COL14A1: variants seen among roughly 807,000 people sequenced by gnomAD.
The protein encoded by COL14A1 is collagen alpha-1(XIV) chain.
COL14A1 carries 136 observed loss-of-function variants against 230.3 expected under a neutral mutation model. That is an observed-to-expected ratio of 0.59 (90% CI 0.51 to 0.68). The LOEUF is 0.68. COL14A1 is among the 30% of genes least tolerant of loss of function. The pLI is 0.00. For synonymous variants in COL14A1, 792 were observed against 784.1 expected (o/e 1.01, Z -0.17); for missense variants, 1,976 against 2,215.8 (o/e 0.89, Z 2.17).
chr8:120,342,473 G>A, intron 44 of COL14A1, 27 bp downstream of exon 44: 6 of 1,605,806 alleles, frequency 3.7e-6, no homozygotes, highest in Non-Finnish European at 5.1e-6. Flanking sequence ...TACGGAGGAT[G>A]TTCCCCATAA....
At chr8:120,175,660 T>C (rs2198755) in intron 5 of COL14A1, among the ~76,000 whole-genome samples, 43,209 of 152,086 alleles carry the variant, frequency 0.28, 7,283 homozygotes, top group African/African-American at 0.47. Flanking sequence ...TGTCTATGGC[T>C]GCCGTCCCAC....
chr8:120,203,770 T>C lies in COL14A1; in HGVS notation c.939T>C (p.His313=), dbSNP rs2130736366. 1 of 1,613,938 alleles carries C rather than the reference T, an allele frequency of 6.2e-7. No individual in the cohort carries two copies. Among genetic ancestry groups the C allele is most frequent in the East Asian group, 2.2e-5 (1 of 44,872 alleles). Residue 313 remains histidine, a synonymous_variant, in exon 9 of 48, where the codon CAT becomes CAC. Transcript: ENST00000297848. ...QEIASEPDST[H]VYNVAEFDLM... ...TCGCCTCTGAACCAGACAGCACTCA[T>C]GTGTACAATGTTGCCGAATTCGATC...
chr8:120,228,527 A>G (rs1424580683), intron 17 of COL14A1, among the ~76,000 whole-genome samples, 183 bp from the exon 18 acceptor site: 4 of 152,206 alleles, frequency 2.6e-5, no homozygotes, highest in Non-Finnish European at 1.5e-5. Context: ...CAGTTTTCTT[A>G]TCTGTGGCAC....
At chr8:120,200,024 T>A (rs1817177149) in intron 8 of COL14A1, among the ~76,000 whole-genome samples, 1 of 151,770 alleles carries the variant, frequency 6.6e-6, no homozygotes, top group Non-Finnish European at 1.5e-5. Flanking sequence ...TAACCCTTTA[T>A]AAGGTATCCT....
chr8:120,175,251 C>T (rs957843414), intron 5 of COL14A1, among the ~76,000 whole-genome samples: 2 of 152,182 alleles, frequency 1.3e-5, no homozygotes, highest in Non-Finnish European at 2.9e-5. Context: ...ATAATATTGG[C>T]ACATTTGCAT....
intron 5 of COL14A1, among the ~76,000 whole-genome samples, chr8:120,194,154 A>G (rs529960398): frequency 1.8e-4 from 27 of 152,188 alleles, no homozygotes; most frequent in Middle Eastern, 6.8e-3. Context: ...CTCACACTGG[A>G]AGCTGTCGAC....
intron 2 of COL14A1, among the ~76,000 whole-genome samples, chr8:120,153,185 A>G (rs1007136748): frequency 6.6e-6 from 1 of 152,116 alleles, no homozygotes; most frequent in African/African-American, 2.4e-5. Flanking sequence ...AAAAAGCTAA[A>G]GTTTTTGTAT....
intron 5 of COL14A1, among the ~76,000 whole-genome samples, chr8:120,190,347 G>A (rs1816781280): frequency 1.3e-5 from 2 of 152,064 alleles, no homozygotes; most frequent in Non-Finnish European, 2.9e-5. Context: ...TTTTTTTCTT[G>A]TCAATTTGTT....
At chr8:120,178,422 C>A (rs1323403240) in intron 5 of COL14A1, among the ~76,000 whole-genome samples, 4 of 152,154 alleles carry the variant, frequency 2.6e-5, no homozygotes, top group African/African-American at 4.8e-5. Flanking sequence ...TTTTTTATGG[C>A]TGCATAGTGT....
chr8:120,173,688 A>ATCTC (rs2130606449), intron 5 of COL14A1, among the ~76,000 whole-genome samples: 1 of 151,328 alleles, frequency 6.6e-6, no homozygotes, highest in African/African-American at 2.4e-5. Context: ...CTATCTATCT[A>ATCTC]TCTATCTATT....
intron 2 of COL14A1, among the ~76,000 whole-genome samples, chr8:120,156,166 G>A (rs902100904): frequency 1.5e-4 from 17 of 115,082 alleles, no homozygotes; most frequent in Non-Finnish European, 2.3e-4. Flanking sequence ...CTCAATGAAG[G>A]GTGACTTCTT....
intron 47 of COL14A1, 81 bp from the exon 48 acceptor site, chr8:120,371,071 T>TCTA: frequency 8.0e-7 from 1 of 1,252,886 alleles, no homozygotes; most frequent in Non-Finnish European, 1.1e-6. Context: ...TCTCTGTGTC[T>TCTA]CTAAGGACCC....
intron 11 of COL14A1, among the ~76,000 whole-genome samples, chr8:120,208,803 C>G (rs548751534): frequency 1.3e-5 from 2 of 152,194 alleles, no homozygotes; most frequent in African/African-American, 4.8e-5. Context: ...CTTCTGAATA[C>G]TAATAATTCC....
intron 21 of COL14A1, among the ~76,000 whole-genome samples, chr8:120,248,692 A>G (rs1818835332): frequency 6.6e-6 from 1 of 151,990 alleles, no homozygotes; most frequent in Admixed American, 6.6e-5. Flanking sequence ...CCCAGTCTCT[A>G]CAAAAATACA....
At chr8:120,178,584 A>G (rs1200997510) in intron 5 of COL14A1, among the ~76,000 whole-genome samples, 3 of 152,196 alleles carry the variant, frequency 2.0e-5, no homozygotes, top group East Asian at 1.9e-4. Flanking sequence ...TGCTTTGGGT[A>G]TATACCCAGT....
In COL14A1 at chr8:120,272,350, C is replaced by G. The variant is rs1451212735; in HGVS notation, c.3213+2176C>G. On this transcript the variant is annotated intron_variant, in intron 26 of 47. Transcript: ENST00000297848. ...ACATCAGAATATAACCTCTTGAAAG[C>G]ATAAAACTCATAGGGCCTATAAAAC... 4.6e-5 allele frequency among the ~76,000 whole-genome samples: 7 copies of G among 151,706 alleles called. No homozygotes were observed. The South Asian group carries it at 1.2e-3, about 27-fold the overall frequency.
chr8:120,281,046 TC>T lies in COL14A1; in HGVS notation c.3814del (p.Gln1272SerfsTer38). 6.2e-7 allele frequency: 1 copy of T among 1,609,616 alleles called. No individual in the cohort carries two copies. ...CYQLHKDALV[S>X]QPTRYLHPEG... ...CCAACTCCATAAAGATGCCCTGGTT[TC>T]CCAGCCAACCAGGTATGTTTCTGTT... On this transcript the variant is annotated frameshift_variant, in exon 31 of 48. Transcript: ENST00000297848. LOFTEE classifies it high-confidence loss of function.
chr8:120,369,598 G>C, intron 47 of COL14A1, 113 bp downstream of exon 47: 1 of 1,058,188 alleles, frequency 9.5e-7, no homozygotes, highest in Non-Finnish European at 1.3e-6. Context: ...TGAATGGGAA[G>C]CAGAGCTTGA....
At chr8:120,304,963 T>C (rs976770086) in intron 36 of COL14A1, among the ~76,000 whole-genome samples, 4 of 151,968 alleles carry the variant, frequency 2.6e-5, no homozygotes, top group African/African-American at 9.7e-5. Context: ...TAGCAATCTC[T>C]GTACAACTGT....
Sources: gnomAD v4.1 joint callset for allele counts (sites outside exome capture counted in the v4.1 genomes callset) on GRCh38, gnomAD v4.1.1 for gene constraint, MANE v1.5 for transcripts, NCBI Gene and HGNC (gene_info 2026-07-23, HGNC 2026-07-21) for gene names.